The following HERC2 variants were observed in gnomAD, a reference collection of about 807,000 sequenced individuals.
The protein encoded by HERC2 is E3 ubiquitin-protein ligase HERC2.
HERC2 carries 102 observed loss-of-function variants against 537.7 expected under a neutral mutation model. The ratio of observed to expected loss-of-function variants is 0.19; its 90% CI spans 0.16 to 0.22. HERC2 has a LOEUF of 0.22. Ranked by LOEUF, HERC2 falls within the 10% of genes least tolerant of loss-of-function variation. HERC2 has a pLI of 1.00. For missense variants in HERC2, 4,236 were observed against 6,198.2 expected, an observed-to-expected ratio of 0.68 and a Z score of 10.63; for synonymous variants, 2,224 against 2,466.2, an observed-to-expected ratio of 0.90 and a Z score of 2.91.
intron 69 of HERC2, among the ~76,000 whole-genome samples, chr15:28,155,610 G>GTTGT (rs1359695139): frequency 7.7e-5 from 11 of 142,228 alleles, no homozygotes; most frequent in Admixed American, 2.7e-4. Context: ...TGTTGATGGG[G>GTTGT]TTGTTTTTTT....
intron 4 of HERC2, among the ~76,000 whole-genome samples, chr15:28,287,310 G>A (rs1259541169): frequency 6.6e-6 from 1 of 152,130 alleles, no homozygotes; most frequent in East Asian, 1.9e-4. Context: ...AGATGGAGTG[G>A]CTCAAGAATA....
At chr15:28,222,905 C>T (rs2140514962) in intron 35 of HERC2, among the ~76,000 whole-genome samples, 1 of 152,342 alleles carries the variant, frequency 6.6e-6, no homozygotes, top group Non-Finnish European at 1.5e-5. Flanking sequence ...CAGCTCAGTG[C>T]CAGGGCAGTT....
intron 5 of HERC2, among the ~76,000 whole-genome samples, chr15:28,277,998 AT>A (rs2075921289): frequency 6.6e-6 from 1 of 151,926 alleles, no homozygotes; most frequent in African/African-American, 2.4e-5. Flanking sequence ...GCTCACACCT[AT>A]AATCCCAACC....
intron 23 of HERC2, among the ~76,000 whole-genome samples, chr15:28,240,305 C>G (rs2140729912): frequency 6.6e-6 from 1 of 152,262 alleles, no homozygotes; most frequent in South Asian, 2.1e-4. Context: ...GTAGTCCCAG[C>G]TACTCGGGAG....
Position 28,268,528 on chromosome 15 carries a change from G to C in HERC2, c.1535C>G (p.Ala512Gly). The C allele has an allele frequency of 6.2e-7, 1 of 1,614,126 alleles. No homozygotes were observed. Among genetic ancestry groups the C allele is most frequent in the South Asian group, 1.1e-5 (1 of 91,078 alleles). Reference protein sequence around the residue: ...SDGHHYLALAATGEVYSWGCG... With the variant: ...SDGHHYLALAGTGEVYSWGCG... ...GCCCCAGGAGTACACCTCTCCAGTA[G>C]CAGCCAAGGCTAGGTAGTGGTGACC... Residue 512 changes from alanine (A) to glycine (G), a missense_variant, in exon 12 of 93, where the codon GCT becomes GGT. This residue lies in a region of HERC2 where 754 missense variants were observed against 1,085.0 expected (regional missense o/e 0.69). Transcript: ENST00000261609. This position sits in a 1 kb window ranked among gnomAD's most constrained non-coding sequence, Gnocchi z 4.7.
At chr15:28,259,797 AG>A (rs944535591) in intron 16 of HERC2, among the ~76,000 whole-genome samples, 5 of 151,074 alleles carry the variant, frequency 3.3e-5, no homozygotes, top group African/African-American at 1.2e-4. Context: ...TCCACTAAAA[AG>A]AAAAAAAAAA....
chr15:28,206,781 T>C lies in HERC2; in HGVS notation c.7070-399A>G, dbSNP rs1326679026. ...CTGGGAGGCGGAGCTTGCAGTGAGC[T>C]GAGATTGTGCCACTGCACTCCAGCC... On this transcript the variant is annotated intron_variant, in intron 44 of 92. Transcript: ENST00000261609. Among the ~76,000 whole-genome samples, 327 of 134,850 alleles carry C rather than the reference T, an allele frequency of 2.4e-3. 1 individual carries two copies. Among genetic ancestry groups the C allele is most frequent in the African/African-American group, 7.3e-3 (254 of 34,926 alleles). 88.5% of individuals were successfully genotyped at this position (134,850 alleles called of 152,430 possible). A position where few individuals can be genotyped will look rare whatever the true frequency, so the allele number is the denominator to read the frequency against.
Position 28,269,301 on chromosome 15 carries a change from T to C in HERC2, c.1393A>G (p.Ile465Val). 6.2e-7 allele frequency: 1 copy of C among 1,614,162 alleles called. No homozygotes were observed. Among genetic ancestry groups the C allele is most frequent in the Non-Finnish European group, 8.5e-7 (1 of 1,180,020 alleles). The change falls in exon 11 of 93, where the codon ATT becomes GTT. Residue 465 changes from isoleucine to valine, a missense_variant. Physicochemically the swap from Ile to Val is conservative, Grantham distance 29. Coordinates refer to ENST00000261609, the MANE Select transcript of HERC2 (RefSeq NM_004667.6). ...QIACAEKRFL[I>V]LSRNGRVYTQ... is the part of the protein sequence containing the mutation. Reference sequence around the variant, plus strand: ...TACACGCGGCCATTGCGTGACAGAATCAGGAAACGCTTCTCTGCACAGGCA... The same window carrying C: ...TACACGCGGCCATTGCGTGACAGAACCAGGAAACGCTTCTCTGCACAGGCA...
intron 83 of HERC2, among the ~76,000 whole-genome samples, chr15:28,126,053 A>T (rs1004460613): frequency 3.9e-5 from 6 of 152,208 alleles, no homozygotes; most frequent in Non-Finnish European, 1.5e-5. Flanking sequence ...TTGGTGATCC[A>T]CCTGAAAATC....
At chr15:28,180,070 C>CT (rs1895682564) in intron 57 of HERC2, among the ~76,000 whole-genome samples, 1 of 152,250 alleles carries the variant, frequency 6.6e-6, no homozygotes, top group East Asian at 1.9e-4. Context: ...TCACCACTCT[C>CT]TCACTGACTC....
chr15:28,143,496 G>C (rs1275285543), intron 74 of HERC2, among the ~76,000 whole-genome samples: 2 of 151,952 alleles, frequency 1.3e-5, no homozygotes, highest in Non-Finnish European at 2.9e-5. Flanking sequence ...CACCAGGCTG[G>C]AGTGTAGTGG....
At chr15:28,245,804 T>C (rs1903652825) in intron 23 of HERC2, 77 bp downstream of exon 23, 2 of 1,276,596 alleles carry the variant, frequency 1.6e-6, no homozygotes, top group Admixed American at 4.3e-5. Context: ...AAAGTATTCT[T>C]TCAAATTGAA....
chr15:28,130,458 A>G, intron 82 of HERC2, 45 bp downstream of exon 82: 1 of 1,592,348 alleles, frequency 6.3e-7, no homozygotes, highest in Non-Finnish European at 8.6e-7. Context: ...ATACCCCAAT[A>G]AAAATCTGGT....
intron 11 of HERC2, 84 bp downstream of exon 11, chr15:28,269,164 A>G: frequency 1.8e-6 from 2 of 1,082,254 alleles, no homozygotes; most frequent in Non-Finnish European, 1.3e-6. Flanking sequence ...CAAACGCCTT[A>G]AAGAAACACC....
At chr15:28,274,502 G>T (rs1432078816) in intron 6 of HERC2, 55 bp from the exon 7 acceptor site, 1 of 1,528,258 alleles carries the variant, frequency 6.5e-7, no homozygotes, top group Admixed American at 2.0e-5. Flanking sequence ...TCTCCCGCTG[G>T]GCTTCCCACC....
chr15:28,191,069 G>C lies in HERC2; in HGVS notation c.8558-13C>G, dbSNP rs1339969570. ...AGGGAATTTCCACCTAGGAAAAAAT[G>C]GGTAAAGAATCAAACAAAGGCGTCT... On this transcript the variant is annotated splice_polypyrimidine_tract_variant and intron_variant, in intron 54 of 92. Coordinates refer to ENST00000261609, the MANE Select transcript of HERC2 (RefSeq NM_004667.6). 6.2e-7 allele frequency: 1 copy of C among 1,600,136 alleles called. No individual in the cohort carries two copies. Among genetic ancestry groups the C allele is most frequent in the African/African-American group, 1.3e-5 (1 of 74,574 alleles).
At position 28,192,095 on chromosome 15, in the gene HERC2, T is replaced by G; in HGVS notation, c.8317A>C (p.Ser2773Arg). 1 of 1,614,126 alleles carries G rather than the reference T, an allele frequency of 6.2e-7. No individual in the cohort carries two copies. The highest frequency in any genetic ancestry group is 8.5e-7 in the Non-Finnish European group (1 of 1,180,026). ...SGKQLKRCHS[S>R]QPGMLLDSWS... Reference sequence around the variant, plus strand: ...CTGTCCAGCAGCATGCCTGGCTGGCTGCTGTGGCAACGCTTCAGCTGTTTT... The same window carrying G: ...CTGTCCAGCAGCATGCCTGGCTGGCGGCTGTGGCAACGCTTCAGCTGTTTT... The change falls in exon 53 of 93, where the codon AGC becomes CGC. Residue 2773 changes from serine (S) to arginine (R), a missense_variant. Physicochemically the swap from Ser to Arg is moderately radical, Grantham distance 110 (BLOSUM62 -1). Around this residue, in one of 27 missense-constraint regions of HERC2, gnomAD observed 606 missense variants for 884.5 expected, o/e 0.69. Transcript: ENST00000261609.
intron 2 of HERC2, chr15:28,320,577 A>G (rs1441233167): frequency 1.3e-5 from 2 of 152,056 alleles, no homozygotes; most frequent in African/African-American, 2.4e-5. Flanking sequence ...GTCAAGGCAC[A>G]TTACTTAATA....
intron 16 of HERC2, among the ~76,000 whole-genome samples, chr15:28,258,087 A>G (rs1295301711): frequency 6.6e-6 from 1 of 152,250 alleles, no homozygotes; most frequent in Non-Finnish European, 1.5e-5. Context: ...AATCATATAC[A>G]GTTTGTTCTC....
Sources: gnomAD v4.1 joint callset for allele counts (sites outside exome capture counted in the v4.1 genomes callset) on GRCh38, gnomAD v4.1.1 for gene constraint, gnomAD v4.1.1 regional missense constraint, Gnocchi (gnomAD v3.1) non-coding constraint, MANE v1.5 for transcripts, NCBI Gene and HGNC (gene_info 2026-07-23, HGNC 2026-07-21) for gene names.